Variants in ASIC2 observed in about 807,000 individuals in gnomAD.
ASIC2 encodes the protein acid sensing ion channel subunit 2.
ASIC2 carries 25 observed loss-of-function variants against 57.3 expected under a neutral mutation model. That is an observed-to-expected ratio of 0.44 (90% CI 0.32 to 0.61). The LOEUF (loss-of-function observed/expected upper bound fraction) is 0.61. ASIC2 is among the 20% of genes least tolerant of loss of function. The pLI is 0.06. For synonymous variants in ASIC2, 319 were observed against 307.5 expected (o/e 1.04, Z -0.39); for missense variants, 641 against 738.1 (o/e 0.87, Z 1.52).
intron 2 of ASIC2, among the ~76,000 whole-genome samples, chr17:33,097,830 A>G (rs1287128794): frequency 6.6e-6 from 1 of 152,200 alleles, no homozygotes; most frequent in East Asian, 1.9e-4. Context: ...TGGAAAGGGC[A>G]TGCTGATGGT....
chr17:33,148,136 A>T (rs576878429), intron 1 of ASIC2, among the ~76,000 whole-genome samples: 2 of 152,260 alleles, frequency 1.3e-5, no homozygotes, highest in African/African-American at 4.8e-5. Flanking sequence ...GAGCACAGTT[A>T]GCAAGGTGCT....
At chr17:33,082,320 A>C (rs925902731) in intron 3 of ASIC2, among the ~76,000 whole-genome samples, 1 of 152,190 alleles carries the variant, frequency 6.6e-6, no homozygotes, top group Admixed American at 6.5e-5. Flanking sequence ...TGATGAATAC[A>C]TGGATCAACA....
chr17:33,393,994 G>A (rs1300778891), intron 1 of ASIC2, among the ~76,000 whole-genome samples: 3 of 152,036 alleles, frequency 2.0e-5, no homozygotes, highest in Non-Finnish European at 4.4e-5. Flanking sequence ...TCCAAAGTGG[G>A]GATTAAATAT....
chr17:34,083,006 T>C (rs1003845402), intron 1 of ASIC2, among the ~76,000 whole-genome samples: 2 of 148,856 alleles, frequency 1.3e-5, no homozygotes, highest in Non-Finnish European at 3.0e-5. Flanking sequence ...CTTGTTTTTT[T>C]TTCCTTTGCA....
chr17:33,688,621 T>G (rs1908269079), intron 1 of ASIC2, among the ~76,000 whole-genome samples: 2 of 152,186 alleles, frequency 1.3e-5, no homozygotes, highest in Admixed American at 1.3e-4. Context: ...ATAAAATGTT[T>G]GTGGATTGGA....
chr17:33,712,891 C>T (rs565764711), intron 1 of ASIC2, among the ~76,000 whole-genome samples: 3 of 151,964 alleles, frequency 2.0e-5, no homozygotes, highest in South Asian at 2.1e-4. Context: ...GTGATCCGCC[C>T]GCCTCGGCCT....
intron 1 of ASIC2, among the ~76,000 whole-genome samples, chr17:33,225,618 G>C (rs1907849747): frequency 1.3e-5 from 2 of 152,276 alleles, no homozygotes; most frequent in African/African-American, 4.8e-5. Flanking sequence ...GAGGTTAGGG[G>C]GACTGGGACT....
intron 1 of ASIC2, chr17:33,688,941 C>T (rs532604428): frequency 2.4e-4 from 36 of 152,328 alleles, no homozygotes; most frequent in African/African-American, 7.9e-4. Flanking sequence ...CTGTTGGCAC[C>T]TGATGTGCAC....
intron 1 of ASIC2, among the ~76,000 whole-genome samples, chr17:33,572,711 T>G (rs1247622278): frequency 6.6e-6 from 1 of 152,222 alleles, no homozygotes; most frequent in Non-Finnish European, 1.5e-5. Context: ...TGAGTCAGTG[T>G]GAGTAAATAG....
At chr17:33,517,361 C>A (rs1380838503) in intron 1 of ASIC2, among the ~76,000 whole-genome samples, 1 of 152,182 alleles carries the variant, frequency 6.6e-6, no homozygotes, top group African/African-American at 2.4e-5. Flanking sequence ...AGTGATCGAC[C>A]CACCTCGGCC....
Position 33,078,449 on chromosome 17 carries a change from A to C in ASIC2, c.987+10414T>G, listed in dbSNP as rs545365417. On this transcript the variant is annotated intron_variant, in intron 3 of 9. Coordinates refer to ENST00000225823, the MANE Select transcript of ASIC2 (RefSeq NM_183377.2). ...ACCATATCTGAAGGCTAAGAATTTA[A>C]ATGGACAGTAAATTATTTAAGTTAG... Among the ~76,000 whole-genome samples the C allele has an allele frequency of 2.0e-5, 3 of 152,362 alleles. No individual in the cohort carries two copies. In the South Asian group the frequency reaches 6.2e-4, roughly 32 times the overall value.
chr17:33,474,692 C>CAGA (rs1482117979), intron 1 of ASIC2, among the ~76,000 whole-genome samples: 6 of 152,144 alleles, frequency 3.9e-5, no homozygotes, highest in African/African-American at 1.4e-4. Flanking sequence ...TCTGGCCTGA[C>CAGA]CAGAAGCTCA....
chr17:33,485,999 G>A (rs1030013993), intron 1 of ASIC2, among the ~76,000 whole-genome samples: 8 of 152,118 alleles, frequency 5.3e-5, no homozygotes, highest in South Asian at 2.1e-4. Context: ...CCTTGCCCCC[G>A]CCTCACGGCT....
chr17:33,957,339 G>T (rs889360467), intron 1 of ASIC2, among the ~76,000 whole-genome samples: 2 of 152,168 alleles, frequency 1.3e-5, no homozygotes. Context: ...TGGAGTTGAA[G>T]GTCTCTTGAG....
intron 1 of ASIC2, among the ~76,000 whole-genome samples, chr17:33,870,230 T>G (rs897328481): frequency 7.1e-5 from 9 of 127,258 alleles, no homozygotes; most frequent in Middle Eastern, 7.4e-3. Flanking sequence ...TTCTGTTTTT[T>G]TTTTTTTTTT....
Position 33,418,144 on chromosome 17 carries a change from G to A in ASIC2, c.556-306077C>T, listed in dbSNP as rs542015620. 1.7e-4 allele frequency among the ~76,000 whole-genome samples: 25 copies of A among 149,922 alleles called. No homozygotes were observed. In the South Asian group the frequency reaches 2.8e-3, roughly 17 times the overall value. On this transcript the variant is annotated intron_variant, in intron 1 of 9. Transcript: ENST00000359872. The stretch of plus-strand genomic sequence containing the variant: ...CATTCAGCTGTGAAAAGATATTCTT[G>A]TTTATCTTGCCAGTCATCTTTGGGA...
At chr17:33,768,675 A>G (rs1328123297) in intron 1 of ASIC2, among the ~76,000 whole-genome samples, 1 of 152,150 alleles carries the variant, frequency 6.6e-6, no homozygotes, top group Non-Finnish European at 1.5e-5. Context: ...GAGAACTTCT[A>G]TTCCTATTCG....
At chr17:33,330,266 A>G (rs1458923922) in intron 1 of ASIC2, among the ~76,000 whole-genome samples, 2 of 152,054 alleles carry the variant, frequency 1.3e-5, no homozygotes, top group African/African-American at 2.4e-5. Flanking sequence ...TGGTGAGTCT[A>G]CTGGAAGGGG....
chr17:33,559,470 C>G (rs1170400335), intron 1 of ASIC2, among the ~76,000 whole-genome samples: 1 of 152,134 alleles, frequency 6.6e-6, no homozygotes, highest in Non-Finnish European at 1.5e-5. Context: ...AAAATGAGAT[C>G]TCACTTCATA....
Sources: gnomAD v4.1 joint callset for allele counts (sites outside exome capture counted in the v4.1 genomes callset) on GRCh38, gnomAD v4.1.1 for gene constraint, MANE v1.5 for transcripts, NCBI Gene and HGNC (gene_info 2026-07-23, HGNC 2026-07-21) for gene names.